Variants in SBF2 observed in about 807,000 individuals in gnomAD.
The protein encoded by SBF2 is myotubularin-related protein 13.
A neutral mutation model predicts 225.2 loss-of-function variants in SBF2; 112 were observed. The ratio of observed to expected loss-of-function variants is 0.50; its 90% CI spans 0.43 to 0.58. The LOEUF (loss-of-function observed/expected upper bound fraction) is 0.58, where lower values mean the gene tolerates loss of function less well. Ranked by LOEUF, SBF2 falls within the 20% of genes least tolerant of loss-of-function variation. The pLI is 0.00. For missense variants in SBF2, 1,996 were observed against 2,206.2 expected, an observed-to-expected ratio of 0.90 and a Z score of 1.91; for synonymous variants, 763 against 773.3, an observed-to-expected ratio of 0.99 and a Z score of 0.22.
chr11:9,999,461 CAGGCATG>C (rs2134501467), intron 8 of SBF2, among the ~76,000 whole-genome samples: 1 of 152,250 alleles, frequency 6.6e-6, no homozygotes, highest in Non-Finnish European at 1.5e-5. Context: ...GCTGGGATTA[CAGGCATG>C]CACCACCACA....
intron 17 of SBF2, among the ~76,000 whole-genome samples, chr11:9,869,194 T>A (rs1041799218): frequency 1.3e-5 from 2 of 152,260 alleles, no homozygotes; most frequent in Non-Finnish European, 2.9e-5. Flanking sequence ...GTTTGGTTTT[T>A]AAAAATTAAT....
rs145351367 is a variant in SBF2, at chr11:9,816,999, G to A, written c.3819C>T (p.Ser1273=). ...SPGVWASLRS[S]TRLISSPTSF... ...ATGTTGGAGAGCTGATCAAGCGAGTGCTAGAGCGAAGACTTGCCCACACAC... is the reference window on the plus strand; with the variant it reads ...ATGTTGGAGAGCTGATCAAGCGAGTACTAGAGCGAAGACTTGCCCACACAC... Residue 1273 remains serine, a synonymous_variant, in exon 29 of 40, where the codon AGC becomes AGT. Transcript: ENST00000256190. 783 of 1,614,150 alleles carry A rather than the reference G, an allele frequency of 4.9e-4. No homozygotes were observed. Among genetic ancestry groups the A allele is most frequent in the Non-Finnish European group, 6.3e-4 (746 of 1,180,018 alleles).
intron 2 of SBF2, among the ~76,000 whole-genome samples, chr11:10,118,782 A>G (rs989906333): frequency 1.3e-5 from 2 of 152,076 alleles, no homozygotes; most frequent in African/African-American, 4.8e-5. Context: ...CAATTTAGTA[A>G]GAACATTAGA....
At chr11:10,304,323 T>C (rs1964627909) in intron 1 of SBF2, among the ~76,000 whole-genome samples, 1 of 152,252 alleles carries the variant, frequency 6.6e-6, no homozygotes, top group African/African-American at 2.4e-5. Context: ...TTATAAGGCA[T>C]AATAGGATTA....
intron 17 of SBF2, among the ~76,000 whole-genome samples, chr11:9,891,609 C>G (rs1860825461): frequency 1.3e-5 from 2 of 152,166 alleles, no homozygotes; most frequent in Admixed American, 1.3e-4. Flanking sequence ...AAACAACAAA[C>G]ATAAGTATAA....
intron 6 of SBF2, among the ~76,000 whole-genome samples, chr11:10,024,299 C>T (rs887268546): frequency 2.0e-5 from 3 of 151,390 alleles, no homozygotes; most frequent in Admixed American, 6.6e-5. Flanking sequence ...TGGCTATGAA[C>T]ATTCATATAC....
chr11:9,909,735 G>A (rs1862441288), intron 16 of SBF2, among the ~76,000 whole-genome samples: 1 of 151,486 alleles, frequency 6.6e-6, no homozygotes, highest in Admixed American at 6.6e-5. Flanking sequence ...TTAGTGAGAA[G>A]TTAAGTTGTA....
intron 1 of SBF2, among the ~76,000 whole-genome samples, chr11:10,267,819 T>C (rs1412947578): frequency 6.6e-6 from 1 of 152,156 alleles, no homozygotes; most frequent in Non-Finnish European, 1.5e-5. Flanking sequence ...AAGGGAGTAA[T>C]ATGGTTTTTT....
Position 9,789,322 on chromosome 11 carries a change from G to A in SBF2, c.4719C>T (p.Asn1573=), listed in dbSNP as rs528105225. ...AATCCCACTTCTTGAGGCTAGAGAC[G>A]TTTACATTGGGCTTTAGAGCCTGTT... The part of the protein sequence containing the change: ...LEIEALKPNV[N]VSSLKKWDYY... The change falls in exon 35 of 40, where the codon AAC becomes AAT. Residue 1573 remains asparagine (N), a synonymous_variant. Transcript: ENST00000256190. 1.1e-5 allele frequency: 17 copies of A among 1,613,850 alleles called. No homozygotes were observed. The highest frequency in any genetic ancestry group is 7.7e-5 in the South Asian group (7 of 91,076).
chr11:9,859,948 G>A (rs1471387543), intron 17 of SBF2, among the ~76,000 whole-genome samples: 1 of 152,228 alleles, frequency 6.6e-6, no homozygotes, highest in African/African-American at 2.4e-5. Flanking sequence ...TTAAGTGGCT[G>A]TAAGTTGTGG....
Position 9,838,629 on chromosome 11 carries a change from A to G in SBF2, c.3455+869T>C, listed in dbSNP as rs1437569055. 4 of 152,224 alleles carry G rather than the reference A, an allele frequency of 2.6e-5. No homozygotes were observed. The East Asian group carries it at 7.7e-4, about 29-fold the overall frequency. 9.4% of individuals were successfully genotyped at this position (152,224 alleles called of 1,614,324 possible). On this transcript the variant is annotated intron_variant, in intron 26 of 39. Transcript: ENST00000256190. ...TAAACTTAAATTGCCATTTAAAATG[A>G]CATATCTATCTTCAAGAGCAACAGG...
At chr11:9,914,870 G>A (rs543438272) in intron 16 of SBF2, among the ~76,000 whole-genome samples, 25 of 130,188 alleles carry the variant, frequency 1.9e-4, no homozygotes, top group Non-Finnish European at 3.0e-4. Context: ...TTCACCAACT[G>A]TAACAAATAT....
chr11:10,186,022 G>A (rs1956923141), intron 2 of SBF2, among the ~76,000 whole-genome samples: 1 of 152,190 alleles, frequency 6.6e-6, no homozygotes, highest in South Asian at 2.1e-4. Flanking sequence ...ATAAATTGCT[G>A]AAACTGAAAT....
chr11:9,911,065 C>CAA (rs569886561), intron 16 of SBF2, among the ~76,000 whole-genome samples: 6 of 135,946 alleles, frequency 4.4e-5, no homozygotes, highest in African/African-American at 1.1e-4. Flanking sequence ...CTCAAAAAAA[C>CAA]AAAAAAAACA....
At chr11:10,168,008 ACT>A (rs1020505833) in intron 2 of SBF2, among the ~76,000 whole-genome samples, 1 of 152,204 alleles carries the variant, frequency 6.6e-6, no homozygotes, top group Non-Finnish European at 1.5e-5. Context: ...ACAGAGTGAG[ACT>A]CTGTCTCAAA....
At chr11:10,118,771 G>A (rs1167697756) in intron 2 of SBF2, among the ~76,000 whole-genome samples, 4 of 151,760 alleles carry the variant, frequency 2.6e-5, no homozygotes, top group African/African-American at 4.8e-5. Context: ...AAGAAAATAA[G>A]CAATTTAGTA....
intron 5 of SBF2, among the ~76,000 whole-genome samples, chr11:10,029,078 G>A (rs1449656617): frequency 6.6e-6 from 1 of 152,106 alleles, no homozygotes; most frequent in East Asian, 1.9e-4. Context: ...ATCTTTGTCA[G>A]ACTGAAGACA....
At chr11:9,896,076 C>A in intron 16 of SBF2, 65 bp from the exon 17 acceptor site, 1 of 1,224,940 alleles carries the variant, frequency 8.2e-7, no homozygotes. Flanking sequence ...TACATGCGAA[C>A]TAACATCTGG....
intron 2 of SBF2, among the ~76,000 whole-genome samples, chr11:10,097,165 C>T (rs1257149493): frequency 6.6e-6 from 1 of 152,114 alleles, no homozygotes; most frequent in African/African-American, 2.4e-5. Context: ...ATGAGTTCAC[C>T]CTGTCCGTCA....
Sources: gnomAD v4.1 joint callset for allele counts (sites outside exome capture counted in the v4.1 genomes callset) on GRCh38, gnomAD v4.1.1 for gene constraint, MANE v1.5 for transcripts, NCBI Gene and HGNC (gene_info 2026-07-23, HGNC 2026-07-21) for gene names.